EYA4: variants seen among roughly 807,000 people sequenced by gnomAD.
The protein encoded by EYA4 is protein phosphatase EYA4.
Under a neutral mutation model 87.9 loss-of-function variants are expected in EYA4, and 31 were observed. The observed-to-expected ratio is 0.35, with a 90% CI of 0.27 to 0.48. EYA4 has a LOEUF of 0.48. Ranked by LOEUF, EYA4 falls within the 20% of genes least tolerant of loss-of-function variation. EYA4 has a pLI of 0.99. For synonymous variants in EYA4, 263 were observed against 270.6 expected (o/e 0.97, Z 0.28); for missense variants, 678 against 761.4 (o/e 0.89, Z 1.29).
rs201154475 is a variant in EYA4, at chr6:133,385,384, G to GCT, written c.83+2950_83+2951dup. On this transcript the variant is annotated intron_variant, in intron 3 of 19. Coordinates refer to ENST00000355286, the MANE Select transcript of EYA4 (RefSeq NM_004100.5). ...CTCTCTCCTCTGTGTGTGTATGTAT[G>GCT]CTCTCTCTGTGTGTGTGTGTGTGTG... 2.6e-3 allele frequency among the ~76,000 whole-genome samples: 235 copies of GCT among 89,796 alleles called. 2 individuals are homozygous for GCT. Among genetic ancestry groups the GCT allele is most frequent in the Non-Finnish European group, 3.9e-3 (160 of 40,738 alleles). The allele number at this position is 89,796 out of a possible 152,430, so 58.9% of individuals were successfully genotyped here. A position where few individuals can be genotyped will look rare whatever the true frequency, so the allele number is the denominator to read the frequency against.
chr6:133,376,615 T>C (rs1186734688), intron 2 of EYA4, among the ~76,000 whole-genome samples: 1 of 151,976 alleles, frequency 6.6e-6, no homozygotes, highest in African/African-American at 2.4e-5. Flanking sequence ...CTTGCTCTTA[T>C]TTGCAAACTT....
chr6:133,400,257 C>T (rs966824819), intron 3 of EYA4, among the ~76,000 whole-genome samples: 3 of 152,110 alleles, frequency 2.0e-5, no homozygotes, highest in African/African-American at 4.8e-5. Context: ...TGCCTGTAAT[C>T]CCAGCACTTC....
rs111330940 is a variant in EYA4, at chr6:133,269,031, G to A, written c.-65-5685G>A. 3.2e-3 allele frequency among the ~76,000 whole-genome samples: 490 copies of A among 152,266 alleles called. 7 individuals carry two copies. Among genetic ancestry groups the A allele is most frequent in the African/African-American group, 0.011 (463 of 41,544 alleles). ...CCCAGCACTTTGAGAGGCTGAGGCA[G>A]GCAGATCACCTGAGGCCAGGGGTTC... On this transcript the variant is annotated intron_variant, in intron 1 of 19. Coordinates refer to ENST00000355286, the MANE Select transcript of EYA4 (RefSeq NM_004100.5).
chr6:133,449,468 T>C (rs538092487), intron 5 of EYA4, among the ~76,000 whole-genome samples: 75 of 152,368 alleles, frequency 4.9e-4, no homozygotes, highest in African/African-American at 1.6e-3. Context: ...GTAATTTACC[T>C]CTGATCTCAA....
intron 16 of EYA4, among the ~76,000 whole-genome samples, chr6:133,513,543 A>G (rs6911552): frequency 0.23 from 35,010 of 152,144 alleles, 5,401 homozygotes; most frequent in African/African-American, 0.43. Flanking sequence ...ATGTCAGTGT[A>G]TCATTCTCAT....
chr6:133,414,609 A>T (rs1387191811), intron 3 of EYA4, among the ~76,000 whole-genome samples: 1 of 152,096 alleles, frequency 6.6e-6, no homozygotes, highest in Non-Finnish European at 1.5e-5. Context: ...ACTGGACTTC[A>T]CCTGGCTTCC....
intron 3 of EYA4, among the ~76,000 whole-genome samples, chr6:133,419,708 CAA>C (rs1790054332): frequency 6.6e-6 from 1 of 152,084 alleles, no homozygotes; most frequent in African/African-American, 2.4e-5. Context: ...ATACTACCAC[CAA>C]AAAAGTCTGT....
intron 17 of EYA4, among the ~76,000 whole-genome samples, chr6:133,519,842 T>C (rs912915158): frequency 6.7e-6 from 1 of 150,124 alleles, no homozygotes; most frequent in Admixed American, 6.6e-5. Flanking sequence ...TGGTTCAATA[T>C]ATGCAAATCA....
At chr6:133,422,860 C>G (rs1051726939) in intron 3 of EYA4, among the ~76,000 whole-genome samples, 3 of 152,146 alleles carry the variant, frequency 2.0e-5, no homozygotes, top group Non-Finnish European at 2.9e-5. Context: ...CTTGGCTGGC[C>G]CTGTAAGGGC....
chr6:133,347,185 C>T (rs1190197189), intron 2 of EYA4, among the ~76,000 whole-genome samples: 3 of 152,150 alleles, frequency 2.0e-5, no homozygotes, highest in Non-Finnish European at 2.9e-5. Flanking sequence ...TTCATGATAT[C>T]CTTTTCATAT....
At chr6:133,274,016 A>C (rs1464870721) in intron 1 of EYA4, among the ~76,000 whole-genome samples, 1 of 152,158 alleles carries the variant, frequency 6.6e-6, no homozygotes. Flanking sequence ...AAAATCCTCT[A>C]TCTGGGGATT....
At chr6:133,324,302 C>A (rs1388159861) in intron 2 of EYA4, among the ~76,000 whole-genome samples, 2 of 152,044 alleles carry the variant, frequency 1.3e-5, no homozygotes, top group Non-Finnish European at 2.9e-5. Flanking sequence ...TCCATAATTA[C>A]AATATTTATT....
chr6:133,299,943 C>CTATATA (rs538719811), intron 2 of EYA4, among the ~76,000 whole-genome samples: 35 of 135,830 alleles, frequency 2.6e-4, no homozygotes, highest in Middle Eastern at 3.4e-3. Flanking sequence ...ATCTATCTAT[C>CTATATA]TATCTATCTA....
chr6:133,417,599 C>T (rs1789837029), intron 3 of EYA4, among the ~76,000 whole-genome samples: 1 of 152,144 alleles, frequency 6.6e-6, no homozygotes, highest in South Asian at 2.1e-4. Flanking sequence ...GGCAAAAACA[C>T]ATACACACAC....
intron 2 of EYA4, among the ~76,000 whole-genome samples, chr6:133,294,658 C>A (rs1173818903): frequency 2.0e-5 from 3 of 152,126 alleles, no homozygotes; most frequent in Non-Finnish European, 4.4e-5. Flanking sequence ...ACCTCCTCGT[C>A]CTGAGCTCAA....
chr6:133,357,485 T>A (rs1784158568), intron 2 of EYA4, among the ~76,000 whole-genome samples: 2 of 152,262 alleles, frequency 1.3e-5, no homozygotes, highest in Non-Finnish European at 2.9e-5. Context: ...TTATGGTACC[T>A]AATCTAATTG....
chr6:133,316,166 T>G lies in EYA4; in HGVS notation c.33+41353T>G, dbSNP rs549931724. Among the ~76,000 whole-genome samples, 171 of 152,266 alleles carry G rather than the reference T, an allele frequency of 1.1e-3. 1 individual carries two copies. The highest frequency in any genetic ancestry group is 3.9e-3 in the African/African-American group (164 of 41,546). On this transcript the variant is annotated intron_variant, in intron 2 of 19. Transcript: ENST00000355286. ...GTAAGCTGAAAACTCCCTAATTCTCTTAAAAGCCTGAAAACTTTACGTTTT... is the reference window on the plus strand; with the variant it reads ...GTAAGCTGAAAACTCCCTAATTCTCGTAAAAGCCTGAAAACTTTACGTTTT...
intron 3 of EYA4, among the ~76,000 whole-genome samples, chr6:133,416,692 C>T (rs921742732): frequency 2.6e-5 from 4 of 152,136 alleles, no homozygotes; most frequent in African/African-American, 4.8e-5. Flanking sequence ...CCTATATTTT[C>T]GCATTGAGAA....
chr6:133,468,469 G>C (rs1795036861), intron 10 of EYA4, 97 bp from the exon 11 acceptor site: 16 of 982,336 alleles, frequency 1.6e-5, no homozygotes, highest in Non-Finnish European at 2.6e-5. Flanking sequence ...ATGGGGCTGA[G>C]TACTAATCTT....
Sources: gnomAD v4.1 joint callset for allele counts (sites outside exome capture counted in the v4.1 genomes callset) on GRCh38, gnomAD v4.1.1 for gene constraint, MANE v1.5 for transcripts, NCBI Gene and HGNC (gene_info 2026-07-23, HGNC 2026-07-21) for gene names.